Variants in DOCK6 observed in about 807,000 individuals in gnomAD.
The protein encoded by DOCK6 is dedicator of cytokinesis protein 6.
Under a neutral mutation model 230.3 loss-of-function variants are expected in DOCK6, and 167 were observed. The observed-to-expected ratio is 0.73, with a 90% CI of 0.64 to 0.82. DOCK6 has a LOEUF of 0.82. DOCK6 is among the 40% of genes least tolerant of loss of function. The pLI, the probability that DOCK6 is intolerant of heterozygous loss-of-function variation, is 0.00. For synonymous variants in DOCK6, 1,148 were observed against 1,185.0 expected, an observed-to-expected ratio of 0.97 and a Z score of 0.64; for missense variants, 2,598 against 2,825.8, an observed-to-expected ratio of 0.92 and a Z score of 1.83.
Position 11,236,777 on chromosome 19 carries a change from C to T in DOCK6, c.2160+16G>A. ...GGGAGCAGGGCGGGACTCTTGGTTC[C>T]CGGCCCACCCCGTACCTGGGGGTGC... is the stretch of plus-strand genomic sequence containing the variant. On this transcript the variant is annotated intron_variant, in intron 19 of 47. Transcript: ENST00000294618. The surrounding 1 kb of genome is among the most constrained non-coding windows in gnomAD (Gnocchi z 5.2). 1 of 1,551,854 alleles carries T rather than the reference C, an allele frequency of 6.4e-7. No homozygotes were observed. Among genetic ancestry groups the T allele is most frequent in the Non-Finnish European group, 8.7e-7 (1 of 1,147,432 alleles).
At chr19:11,262,191 C>A (rs2080301841) in intron 1 of DOCK6, among the ~76,000 whole-genome samples, 1 of 151,880 alleles carries the variant, frequency 6.6e-6, no homozygotes, top group Non-Finnish European at 1.5e-5. Context: ...AGCCCCGACG[C>A]GACTCCCATC....
At chr19:11,250,131 C>T (rs2080094896) in intron 6 of DOCK6, among the ~76,000 whole-genome samples, 1 of 151,054 alleles carries the variant, frequency 6.6e-6, no homozygotes, top group South Asian at 2.1e-4. Context: ...CTGTCTCAGC[C>T]TTCAGAGTAG....
intron 32 of DOCK6, 21 bp downstream of exon 32, chr19:11,215,366 C>T: frequency 6.2e-7 from 1 of 1,610,130 alleles, no homozygotes; most frequent in Non-Finnish European, 8.5e-7. Flanking sequence ...ACTCAGCAGA[C>T]ACCCTCCTGC....
Position 11,236,249 on chromosome 19 carries a change from C to T in DOCK6, c.2392+97G>A. 1 of 1,187,592 alleles carries T rather than the reference C, an allele frequency of 8.4e-7. No homozygotes were observed. The highest frequency in any genetic ancestry group is 1.6e-5 in the South Asian group (1 of 63,572). The allele number at this position is 1,187,592 out of a possible 1,614,324, so 73.6% of individuals were successfully genotyped here. Reference sequence around the variant, plus strand: ...TCATTTTTCAGATGAGAAAAATGGCCAGAGAGGTAAATGGGCTTATAGAAG... The same window carrying T: ...TCATTTTTCAGATGAGAAAAATGGCTAGAGAGGTAAATGGGCTTATAGAAG... On this transcript the variant is annotated intron_variant, in intron 20 of 47. Coordinates refer to ENST00000294618, the MANE Select transcript of DOCK6 (RefSeq NM_020812.4). The surrounding 1 kb of genome is among the most constrained non-coding windows in gnomAD (Gnocchi z 5.2).
At position 11,250,945 on chromosome 19, in the gene DOCK6, G is replaced by A. The variant is rs752473019; in HGVS notation, c.649C>T (p.Arg217Trp). ...TGCCGTCGAAGGGTTTCATTGCGCC[G>A]GTCCACATCTTCTGGGGCCGCCCGC... ...LERAAPEDVDRRNETLRRQHR... is the reference protein window; with the variant it reads ...LERAAPEDVDWRNETLRRQHR... The change falls in exon 6 of 48, where the codon CGG (arginine) becomes TGG (tryptophan). Residue 217 changes from arginine (R) to tryptophan (W), a missense_variant. Transcript: ENST00000294618. 32 of 1,613,324 alleles carry A rather than the reference G, an allele frequency of 2.0e-5. No homozygotes were observed. Among genetic ancestry groups the A allele is most frequent in the East Asian group, 4.5e-5 (2 of 44,886 alleles).
chr19:11,251,942 C>T, intron 5 of DOCK6, 177 bp downstream of exon 5: 1 of 902,420 alleles, frequency 1.1e-6, no homozygotes, highest in Non-Finnish European at 1.7e-6. Context: ...TTCAGTACAC[C>T]CTAAGCACTC....
chr19:11,206,612 C>A (rs1174530483), intron 39 of DOCK6, among the ~76,000 whole-genome samples: 6 of 151,836 alleles, frequency 4.0e-5, no homozygotes, highest in Admixed American at 3.9e-4. Context: ...AGATCAGCGA[C>A]AGCCATTGTG....
intron 24 of DOCK6, among the ~76,000 whole-genome samples, chr19:11,225,868 TAAAAAAAAA>T (rs745740690): frequency 3.0e-4 from 21 of 71,006 alleles, no homozygotes; most frequent in Non-Finnish European, 5.5e-4. Flanking sequence ...CTGACTCTAC[TAAAAAAAAA>T]AAAAAAAAAA....
chr19:11,208,873 T>A (rs2079311126), intron 38 of DOCK6, 38 bp downstream of exon 38: 1 of 1,599,068 alleles, frequency 6.3e-7, no homozygotes, highest in Admixed American at 1.7e-5. Flanking sequence ...CCCACTGCAC[T>A]CGTGCCGTCC....
chr19:11,239,798 G>C, intron 14 of DOCK6: 1 of 1,608,050 alleles, frequency 6.2e-7, no homozygotes, highest in Non-Finnish European at 8.5e-7. Flanking sequence ...GGTGTGTACA[G>C]GACCACGGAG....
intron 37 of DOCK6, among the ~76,000 whole-genome samples, chr19:11,209,958 C>T (rs376510432): frequency 4.0e-5 from 5 of 125,590 alleles, no homozygotes; most frequent in Admixed American, 4.0e-4. Flanking sequence ...CACCCTCTCA[C>T]CTGCCCGCCC....
At chr19:11,226,043 CAAACAA>C (rs2079659198) in intron 24 of DOCK6, among the ~76,000 whole-genome samples, 1 of 151,996 alleles carries the variant, frequency 6.6e-6, no homozygotes. Context: ...ACCCTATCTC[CAAACAA>C]AAACAAAAAC....
chr19:11,246,557 C>T (rs992600224), intron 7 of DOCK6, among the ~76,000 whole-genome samples: 1 of 152,066 alleles, frequency 6.6e-6, no homozygotes, highest in Admixed American at 6.6e-5. Flanking sequence ...AGCCACCGCG[C>T]CCCGCCGACA....
At chr19:11,206,264 A>G (rs2079257812) in intron 39 of DOCK6, 1 of 152,168 alleles carries the variant, frequency 6.6e-6, no homozygotes, top group Non-Finnish European at 1.5e-5. Context: ...TCCACAGTGG[A>G]AAATCAGTTG....
intron 1 of DOCK6, among the ~76,000 whole-genome samples, chr19:11,257,518 G>A (rs2080216747): frequency 1.4e-5 from 2 of 142,934 alleles, no homozygotes; most frequent in African/African-American, 2.5e-5. Flanking sequence ...GCTGGGCACT[G>A]TGGCTTATGC....
Position 11,201,897 on chromosome 19 carries a change from G to GGTGGCACACAC in DOCK6, c.5669_5679dup (p.Arg1894ValfsTer10). 1 of 1,150,064 alleles carries GGTGGCACACAC rather than the reference G, an allele frequency of 8.7e-7. No individual in the cohort carries two copies. Among genetic ancestry groups the GGTGGCACACAC allele is most frequent in the Non-Finnish European group, 1.1e-6 (1 of 898,166 alleles). 71.2% of individuals were successfully genotyped at this position (1,150,064 alleles called of 1,614,324 possible). ...CCAGGATCCCCACCCACCTCCTCCCGGTGGCACACACGGATGCGAGTCTTG... is the reference window on the plus strand; with the variant it reads ...CCAGGATCCCCACCCACCTCCTCCCGGTGGCACACACGTGGCACACACGGATGCGAGTCTTG... On this transcript the variant is annotated frameshift_variant, in exon 44 of 48. Transcript: ENST00000294618. LOFTEE classifies it high-confidence loss of function. The surrounding 1 kb of genome is among the most constrained non-coding windows in gnomAD (Gnocchi z 4.3).
At chr19:11,204,139 GAGGAGTGGGGAT>G (rs2079217361) in intron 40 of DOCK6, 44 bp from the exon 41 acceptor site, 2 of 285,110 alleles carry the variant, frequency 7.0e-6, no homozygotes, top group African/African-American at 6.4e-5. Context: ...CCCTGGGGAT[GAGGAGTGGGGAT>G]GAGGAGTGGG....
chr19:11,249,661 C>T lies in DOCK6; in HGVS notation c.720+1213G>A, dbSNP rs375395555. ...CTGTAATCCCAGCACTTTGGGAGGC[C>T]GAGGTGGGCGGATCACCTGAGGTCA... On this transcript the variant is annotated intron_variant, in intron 6 of 47. Transcript: ENST00000294618. Among the ~76,000 whole-genome samples, 29 of 151,028 alleles carry T rather than the reference C, an allele frequency of 1.9e-4. No individual in the cohort carries two copies. The South Asian group carries it at 5.7e-3, about 30-fold the overall frequency.
At chr19:11,258,728 C>T (rs546039640) in intron 1 of DOCK6, among the ~76,000 whole-genome samples, 2 of 149,680 alleles carry the variant, frequency 1.3e-5, no homozygotes, top group South Asian at 2.1e-4. Context: ...CCAACGCGCC[C>T]GGCCTATAAC....
Sources: allele counts gnomAD v4.1 joint callset (sites outside exome capture counted in the v4.1 genomes callset), GRCh38; gene constraint gnomAD v4.1.1; non-coding constraint Gnocchi (gnomAD v3.1); transcripts MANE v1.5; gene names NCBI Gene and HGNC (gene_info 2026-07-23, HGNC 2026-07-21).